The following RAB28 variants were observed in gnomAD, a reference collection of about 807,000 sequenced individuals.
RAB28 encodes the protein RAB28, member RAS oncogene family, also known as ras-related protein Rab-28.
A neutral mutation model predicts 31.7 loss-of-function variants in RAB28; 24 were observed. The ratio of observed to expected loss-of-function variants is 0.76; its 90% CI spans 0.55 to 1.06. RAB28 has a LOEUF of 1.06. Ranked by LOEUF, RAB28 falls within the 50% of genes least tolerant of loss-of-function variation. RAB28 has a pLI of 0.00. For missense variants in RAB28, 254 were observed against 258.5 expected (o/e 0.98, Z 0.12); for synonymous variants, 100 against 90.4 (o/e 1.11, Z -0.60).
chr4:13,376,620 G>A lies in RAB28; in HGVS notation c.498C>T (p.Val166=). Residue 166 remains valine (V), a splice_region_variant and synonymous_variant, in exon 6 of 7, where the codon GTC becomes GTT. Coordinates refer to ENST00000330852, the MANE Select transcript of RAB28 (RefSeq NM_001017979.3). ...CAGCAACTTTCTGAAAGCACAGGAA[G>A]ACCTACATAACAAAAATGGGTTTAA... ...HFVSAKTGDS[V]FLCFQKVAAE... is the part of the protein sequence containing the mutation. 1 of 1,594,366 alleles carries A rather than the reference G, an allele frequency of 6.3e-7. No homozygotes were observed. The highest frequency in any genetic ancestry group is 8.5e-7 in the Non-Finnish European group (1 of 1,171,864).
At chr4:13,459,682 CAAA>C in intron 4 of RAB28, 1 of 679,400 alleles carries the variant, frequency 1.5e-6, no homozygotes, top group Non-Finnish European at 1.8e-6. Flanking sequence ...CACTCTTTCT[CAAA>C]AAAAAAAAAT....
Position 13,460,681 on chromosome 4 carries a change from C to A in RAB28, c.391+18G>T, listed in dbSNP as rs571622900. 1.8e-5 allele frequency: 29 copies of A among 1,613,686 alleles called. No individual in the cohort carries two copies. The African/African-American group carries it at 3.5e-4, about 19-fold the overall frequency. On this transcript the variant is annotated intron_variant, in intron 4 of 6. Coordinates refer to ENST00000330852, the MANE Select transcript of RAB28 (RefSeq NM_001017979.3). The stretch of plus-strand genomic sequence containing the variant: ...GCAAGTAAACTGTACCATACATAAA[C>A]AAGCAGTAATAACTTACTTTTATTG...
intron 4 of RAB28, among the ~76,000 whole-genome samples, chr4:13,392,159 C>A (rs1729661545): frequency 6.6e-6 from 1 of 152,234 alleles, no homozygotes; most frequent in Non-Finnish European, 1.5e-5. Flanking sequence ...TCTAGTGGAA[C>A]ACTAACTCTC....
At chr4:13,435,947 G>C (rs1236234857) in intron 4 of RAB28, among the ~76,000 whole-genome samples, 5 of 151,950 alleles carry the variant, frequency 3.3e-5, no homozygotes, top group Admixed American at 1.3e-4. Flanking sequence ...TATGAACATA[G>C]AAGCAAAAAT....
At chr4:13,472,942 T>C (rs1577247993) in intron 3 of RAB28, among the ~76,000 whole-genome samples, 1 of 151,722 alleles carries the variant, frequency 6.6e-6, no homozygotes, top group East Asian at 1.9e-4. Flanking sequence ...CAGAAGAAAA[T>C]GCTATAAATG....
At chr4:13,420,544 A>G (rs923437081) in intron 4 of RAB28, among the ~76,000 whole-genome samples, 41 of 152,216 alleles carry the variant, frequency 2.7e-4, no homozygotes, top group African/African-American at 9.7e-4. Flanking sequence ...CAGCACATCA[A>G]AAAGCTTATC....
intron 5 of RAB28, 104 bp downstream of exon 5, chr4:13,381,387 T>C (rs778869537): frequency 1.5e-5 from 11 of 727,222 alleles, no homozygotes; most frequent in Non-Finnish European, 2.3e-5. Flanking sequence ...ATGTTTTCAA[T>C]AGGAATTAAT....
intron 4 of RAB28, among the ~76,000 whole-genome samples, chr4:13,406,294 T>G (rs1054408961): frequency 3.9e-5 from 6 of 152,186 alleles, no homozygotes; most frequent in Non-Finnish European, 8.8e-5. Context: ...GAATGATGGT[T>G]TCCAGCTTCA....
chr4:13,407,155 C>T (rs890673586), intron 4 of RAB28, among the ~76,000 whole-genome samples: 1 of 152,184 alleles, frequency 6.6e-6, no homozygotes, highest in Non-Finnish European at 1.5e-5. Context: ...ACATTTAAGT[C>T]TTTAATCATT....
intron 3 of RAB28, among the ~76,000 whole-genome samples, chr4:13,461,739 A>G (rs1236563430): frequency 2.0e-5 from 3 of 152,212 alleles, no homozygotes; most frequent in Admixed American, 6.5e-5. Context: ...ATTCTCATCC[A>G]GTTTGTGGTC....
At chr4:13,448,017 A>G (rs1560135781) in intron 4 of RAB28, among the ~76,000 whole-genome samples, 1 of 152,138 alleles carries the variant, frequency 6.6e-6, no homozygotes, top group Non-Finnish European at 1.5e-5. Flanking sequence ...CTCATTTTAT[A>G]CAAGAGGATG....
intron 4 of RAB28, among the ~76,000 whole-genome samples, chr4:13,430,370 G>C (rs1395966748): frequency 6.6e-6 from 1 of 152,242 alleles, no homozygotes; most frequent in East Asian, 1.9e-4. Flanking sequence ...AAAAAGGAAA[G>C]CAGAATGAGG....
chr4:13,428,759 A>C (rs1468152597), intron 4 of RAB28, among the ~76,000 whole-genome samples: 3 of 152,170 alleles, frequency 2.0e-5, no homozygotes, highest in Admixed American at 2.0e-4. Context: ...AAAACTTCCC[A>C]AATTTGGTGA....
intron 4 of RAB28, among the ~76,000 whole-genome samples, chr4:13,439,776 A>G (rs1714318069): frequency 6.6e-6 from 1 of 152,176 alleles, no homozygotes; most frequent in African/African-American, 2.4e-5. Flanking sequence ...CAGGTTTGTT[A>G]CATGAGCATA....
chr4:13,473,306 G>C (rs1231549280), intron 3 of RAB28, among the ~76,000 whole-genome samples: 1 of 151,608 alleles, frequency 6.6e-6, no homozygotes, highest in African/African-American at 2.4e-5. Context: ...CTCCAATAAA[G>C]AACTAGAAAT....
chr4:13,481,391 T>G (rs1716598259), intron 1 of RAB28, among the ~76,000 whole-genome samples: 1 of 152,084 alleles, frequency 6.6e-6, no homozygotes, highest in Non-Finnish European at 1.5e-5. Flanking sequence ...TCTCTTCACT[T>G]ATCTAGACTG....
intron 4 of RAB28, among the ~76,000 whole-genome samples, chr4:13,455,383 T>G (rs1715240598): frequency 6.6e-6 from 1 of 152,196 alleles, no homozygotes; most frequent in South Asian, 2.1e-4. Flanking sequence ...TACTTGAGTG[T>G]GGGCAGTGGG....
rs1728599648 is a variant in RAB28, at chr4:13,368,575, T to A, written c.649A>T (p.Met217Leu). Reference protein sequence around the residue: ...SRTVNPPRSSMCAVQ With the variant: ...SRTVNPPRSSLCAVQ ...AAATGCGCTCACTGAACTGCACACA[T>A]AGAGCTTCTAGGAGGGTTAACAGTC... Residue 217 changes from methionine (M) to leucine (L), a missense_variant, in exon 7 of 7, where the codon ATG (methionine) becomes TTG (leucine). Physicochemically the swap from Met to Leu is conservative, Grantham distance 15 (BLOSUM62 2). Coordinates refer to ENST00000330852, the MANE Select transcript of RAB28 (RefSeq NM_001017979.3). 1 of 1,612,004 alleles carries A rather than the reference T, an allele frequency of 6.2e-7. No homozygotes were observed. Among genetic ancestry groups the A allele is most frequent in the African/African-American group, 1.3e-5 (1 of 74,846 alleles).
At chr4:13,466,065 C>T (rs1715826576) in intron 3 of RAB28, among the ~76,000 whole-genome samples, 1 of 151,828 alleles carries the variant, frequency 6.6e-6, no homozygotes, top group African/African-American at 2.4e-5. Flanking sequence ...ATACAAAAAC[C>T]AACTCGAAAT....
Sources: gnomAD v4.1 joint callset for allele counts (sites outside exome capture counted in the v4.1 genomes callset) on GRCh38, gnomAD v4.1.1 for gene constraint, MANE v1.5 for transcripts, NCBI Gene and HGNC (gene_info 2026-07-23, HGNC 2026-07-21) for gene names.